The following DSC3 variants were observed in gnomAD, a reference collection of about 807,000 sequenced individuals.
DSC3 encodes the protein desmocollin-3.
In DSC3, 97 loss-of-function variants were observed where a neutral mutation model predicts 89.5. That is an observed-to-expected ratio of 1.08 (90% CI 0.92 to 1.28). The LOEUF (loss-of-function observed/expected upper bound fraction) is 1.28. Among genes scored for constraint, DSC3 ranks in the 50% most tolerant of loss-of-function variants. The probability of loss-of-function intolerance (pLI) is 0.00; values close to 1 mark genes in which losing one functional copy is unlikely to be tolerated. For synonymous variants in DSC3, 436 were observed against 384.1 expected (o/e 1.14, Z -1.58); for missense variants, 1,199 against 1,085.3 (o/e 1.10, Z -1.47).
At chr18:31,011,651 T>C (rs754097562) in intron 9 of DSC3, among the ~76,000 whole-genome samples, 10 of 152,110 alleles carry the variant, frequency 6.6e-5, no homozygotes, top group African/African-American at 2.2e-4. Flanking sequence ...ACACCATGAT[T>C]ATACAGTGTT....
intron 1 of DSC3, among the ~76,000 whole-genome samples, chr18:31,035,650 TCA>T (rs1250898667): frequency 6.6e-6 from 1 of 151,832 alleles, no homozygotes; most frequent in African/African-American, 2.4e-5. Flanking sequence ...TCAAAATATC[TCA>T]GTTAACTGTG....
chr18:31,004,499 G>A (rs1366270539), intron 12 of DSC3, 133 bp from the exon 13 acceptor site: 10 of 783,484 alleles, frequency 1.3e-5, no homozygotes, highest in South Asian at 8.7e-5. Context: ...TAAAAATGGA[G>A]GACTGTCTTC....
At chr18:31,011,445 C>T (rs1985053091) in intron 9 of DSC3, among the ~76,000 whole-genome samples, 1 of 152,036 alleles carries the variant, frequency 6.6e-6, no homozygotes, top group Admixed American at 6.6e-5. Context: ...GATTACTTAA[C>T]TCTTTGAGGT....
Position 31,007,108 on chromosome 18 carries a change from G to A in DSC3, c.1687C>T (p.Leu563Phe). ...TTTACATCTTCAATGTTCACAGCAA[G>A]TGTTCCAGTACATGATCTATCATCT... ...DKDDRSCTGT[L>F]AVNIEDVNDN... The change falls in exon 12 of 16, where the codon CTT becomes TTT. Residue 563 changes from leucine to phenylalanine, a missense_variant. Physicochemically the swap from Leu to Phe is conservative, Grantham distance 22. Transcript: ENST00000360428. 1 of 1,613,360 alleles carries A rather than the reference G, an allele frequency of 6.2e-7. No individual in the cohort carries two copies. Among genetic ancestry groups the A allele is most frequent in the Non-Finnish European group, 8.5e-7 (1 of 1,179,412 alleles).
Position 31,012,881 on chromosome 18 carries a change from C to T in DSC3, c.1264-4356G>A, listed in dbSNP as rs559656973. The stretch of plus-strand genomic sequence containing the variant: ...GAAAAAAATGAAATTACAATCTTGG[C>T]TATGACTTAGGAGAAAAATGCTAAT... On this transcript the variant is annotated intron_variant, in intron 9 of 15. Coordinates refer to ENST00000360428, the MANE Select transcript of DSC3 (RefSeq NM_001941.5). 2.6e-4 allele frequency among the ~76,000 whole-genome samples: 39 copies of T among 152,154 alleles called. No individual in the cohort carries two copies. In the South Asian group the frequency reaches 6.2e-3, roughly 24 times the overall value.
chr18:30,995,987 AAAAAAAAAAAAAG>A (rs1263036236), intron 15 of DSC3, among the ~76,000 whole-genome samples: 1 of 147,116 alleles, frequency 6.8e-6, no homozygotes, highest in African/African-American at 2.6e-5. Context: ...AAAAAAAAAA[AAAAAAAAAAAAAG>A]AAAAGAAAGA....
At chr18:31,036,217 A>T (rs1303699283) in intron 1 of DSC3, among the ~76,000 whole-genome samples, 2 of 152,148 alleles carry the variant, frequency 1.3e-5, no homozygotes, top group Non-Finnish European at 2.9e-5. Context: ...TCTATTTCCC[A>T]TATCCTCCCT....
At chr18:31,004,053 T>C in intron 13 of DSC3, 89 bp downstream of exon 13, 1 of 1,009,714 alleles carries the variant, frequency 9.9e-7, no homozygotes, top group South Asian at 1.4e-5. Context: ...ATCTGATGGA[T>C]GCTTGGACGA....
intron 1 of DSC3, among the ~76,000 whole-genome samples, chr18:31,037,091 G>A (rs1014056983): frequency 1.8e-4 from 28 of 151,912 alleles, no homozygotes; most frequent in Non-Finnish European, 3.5e-4. Flanking sequence ...GCACTCGGCC[G>A]AATTATGTTT....
Position 31,022,395 on chromosome 18 carries a change from A to G in DSC3, c.883T>C (p.Phe295Leu). 6.2e-7 allele frequency: 1 copy of G among 1,614,100 alleles called. No homozygotes were observed. Among genetic ancestry groups the G allele is most frequent in the Non-Finnish European group, 8.5e-7 (1 of 1,179,988 alleles). The change falls in exon 7 of 16, where the codon TTT becomes CTT. Residue 295 changes from phenylalanine (F) to leucine (L), a missense_variant. Physicochemically the swap from Phe to Leu is conservative, Grantham distance 22. Coordinates refer to ENST00000360428, the MANE Select transcript of DSC3 (RefSeq NM_001941.5). ...ACGCCTGTGCTGGGATGCACAGAAA[A>G]GAGCCCAGGTGACCTTGGTGTCTGC... ...LQQTPRSPGL[F>L]SVHPSTGVIT... is the part of the protein sequence containing the mutation.
intron 1 of DSC3, among the ~76,000 whole-genome samples, chr18:31,041,328 A>G (rs181344341): frequency 6.6e-6 from 1 of 152,340 alleles, no homozygotes; most frequent in Admixed American, 6.5e-5. Flanking sequence ...ATTTGTAGTC[A>G]CTTCATAAGC....
At chr18:31,029,464 C>T in intron 4 of DSC3, 45 bp downstream of exon 4, 1 of 1,610,478 alleles carries the variant, frequency 6.2e-7, no homozygotes, top group Non-Finnish European at 8.5e-7. Context: ...ATGAAACAGA[C>T]TCTTAGAATT....
Position 31,008,168 on chromosome 18 carries a change from A to G in DSC3, c.1521-10T>C, listed in dbSNP as rs773633239. On this transcript the variant is annotated splice_polypyrimidine_tract_variant and intron_variant, in intron 10 of 15. Transcript: ENST00000360428. ...ATGCAATTTTTTGTACCTGTTAATA[A>G]AAAAAAAATAGTCTTTAGCATCAGA... 1.5e-5 allele frequency: 24 copies of G among 1,598,900 alleles called. 1 individual carries two copies. Among genetic ancestry groups the G allele is most frequent in the South Asian group, 1.3e-4 (12 of 90,424 alleles).
intron 1 of DSC3, among the ~76,000 whole-genome samples, chr18:31,040,626 C>T (rs1567964254): frequency 1.3e-5 from 2 of 152,096 alleles, no homozygotes; most frequent in African/African-American, 4.8e-5. Context: ...TGTTGGGCTG[C>T]TTACTGGGAA....
intron 14 of DSC3, among the ~76,000 whole-genome samples, chr18:31,001,089 G>GTGTGTATATATATATA (rs141615987): frequency 9.5e-5 from 12 of 126,044 alleles, no homozygotes; most frequent in East Asian, 6.0e-4. Context: ...TTGTGTGTGT[G>GTGTGTATATATATATA]TATATATATA....
rs893504951 is a variant in DSC3, at chr18:31,034,145, A to G, written c.70-1869T>C. On this transcript the variant is annotated intron_variant, in intron 1 of 15. Coordinates refer to ENST00000360428, the MANE Select transcript of DSC3 (RefSeq NM_001941.5). ...CGGCCTGAAGAAAATTCAAACGAATAAAGGACTTGTATCGAAAATATTTAA... is the reference window on the plus strand; with the variant it reads ...CGGCCTGAAGAAAATTCAAACGAATGAAGGACTTGTATCGAAAATATTTAA... 1.6e-4 allele frequency among the ~76,000 whole-genome samples: 24 copies of G among 152,332 alleles called. 1 individual carries two copies. The South Asian group carries it at 4.8e-3, about 30-fold the overall frequency.
chr18:31,022,148 T>A (rs574921732), intron 7 of DSC3, among the ~76,000 whole-genome samples, 188 bp downstream of exon 7: 10 of 152,288 alleles, frequency 6.6e-5, no homozygotes, highest in Admixed American at 1.3e-4. Flanking sequence ...GCGTTTCTAG[T>A]CCTTATGGCT....
rs140760517 is a variant in DSC3 at position 30,993,291 on chromosome 18, G to T, written c.*884C>A. Reference sequence around the variant, plus strand: ...TTCCCCAGTTTGCTACTAACTTGTGGATGCAGAAATCTTGAAACAGACTGC... The same window carrying T: ...TTCCCCAGTTTGCTACTAACTTGTGTATGCAGAAATCTTGAAACAGACTGC... On this transcript the variant is annotated 3_prime_UTR_variant, in exon 16 of 16. Transcript: ENST00000360428. 1.0e-3 allele frequency: 152 copies of T among 152,302 alleles called. 1 individual carries two copies. Among genetic ancestry groups the T allele is most frequent in the African/African-American group, 3.5e-3 (144 of 41,558 alleles). 9.4% of individuals were successfully genotyped at this position (152,302 alleles called of 1,614,324 possible). A position where few individuals can be genotyped will look rare whatever the true frequency, so the allele number is the denominator to read the frequency against.
rs908107952 is a variant in DSC3, at chr18:31,008,453, C to T, written c.1336G>A (p.Asp446Asn). Residue 446 changes from aspartate (D) to asparagine (N), a missense_variant, in exon 10 of 16, where the codon GAT becomes AAT. Coordinates refer to ENST00000360428, the MANE Select transcript of DSC3 (RefSeq NM_001941.5). ...TTCAAGGCTGTCACTCTGGGAATAT[C>T]TCTAGCAAATGGCGCTTCATTGTTT... ...GVNNEAPFAR[D>N]IPRVTALNRA... The T allele has an allele frequency of 3.7e-6, 6 of 1,614,172 alleles. No individual in the cohort carries two copies. The African/African-American group carries it at 5.3e-5, about 14-fold the overall frequency.
Sources: allele counts gnomAD v4.1 joint callset (sites outside exome capture counted in the v4.1 genomes callset), GRCh38; gene constraint gnomAD v4.1.1; transcripts MANE v1.5; gene names NCBI Gene and HGNC (gene_info 2026-07-23, HGNC 2026-07-21).